AHR: variants seen among roughly 807,000 people sequenced by gnomAD.
The protein encoded by AHR is AH-receptor.
Under a neutral mutation model 86.8 loss-of-function variants are expected in AHR, and 40 were observed. The ratio of observed to expected loss-of-function variants is 0.46; its 90% CI spans 0.36 to 0.60. The LOEUF (loss-of-function observed/expected upper bound fraction) is 0.60, where lower values mean the gene tolerates loss of function less well. Among genes scored for constraint, AHR ranks in the 20% least tolerant of loss-of-function variants. The probability of loss-of-function intolerance (pLI) is 0.00; values close to 1 mark genes in which losing one functional copy is unlikely to be tolerated. For synonymous variants in AHR, 398 were observed against 354.9 expected (o/e 1.12, Z -1.37); for missense variants, 1,001 against 1,011.6 (o/e 0.99, Z 0.14).
chr7:17,304,232 G>A (rs980353534), intron 1 of AHR, among the ~76,000 whole-genome samples: 4 of 152,026 alleles, frequency 2.6e-5, no homozygotes, highest in African/African-American at 9.7e-5. Flanking sequence ...GGTAGTTAGG[G>A]ATTTTAGTGC....
Position 17,346,143 on chromosome 7 carries a change from A to T in AHR, c.*3079A>T, listed in dbSNP as rs1175561483. On this transcript the variant is annotated 3_prime_UTR_variant, in exon 11 of 11. Transcript: ENST00000242057. ...AATAATATATAATAAAATAACAAATATGAATAATATGTTTTAATGTAAATT... is the reference window on the plus strand; with the variant it reads ...AATAATATATAATAAAATAACAAATTTGAATAATATGTTTTAATGTAAATT... 6.6e-6 allele frequency: 1 copy of T among 152,292 alleles called. No homozygotes were observed. Among genetic ancestry groups the T allele is most frequent in the Non-Finnish European group, 1.5e-5 (1 of 67,994 alleles). The allele number at this position is 152,292 out of a possible 1,614,324, so 9.4% of individuals were successfully genotyped here. A position where few individuals can be genotyped will look rare whatever the true frequency, so the allele number is the denominator to read the frequency against.
chr7:17,345,069 C>G lies in AHR; in HGVS notation c.*2005C>G, dbSNP rs1288006215. The G allele has an allele frequency of 6.6e-6, 1 of 151,988 alleles. No homozygotes were observed. The highest frequency in any genetic ancestry group is 1.5e-5 in the Non-Finnish European group (1 of 67,966). The allele number at this position is 151,988 out of a possible 1,614,324, so 9.4% of individuals were successfully genotyped here. On this transcript the variant is annotated 3_prime_UTR_variant, in exon 11 of 11. Transcript: ENST00000242057. ...CAGTGGCTCACGCCTGTAATCCCAG[C>G]ACTTGGGGAGGGCGAGGAGGGTGGA... is the stretch of plus-strand genomic sequence containing the variant.
intron 4 of AHR, among the ~76,000 whole-genome samples, chr7:17,328,600 A>G (rs919488410): frequency 6.6e-6 from 1 of 151,926 alleles, no homozygotes; most frequent in African/African-American, 2.4e-5. Flanking sequence ...TGTGAGCCCC[A>G]TTGTCAGATA....
chr7:17,306,193 G>T (rs1051123055), intron 1 of AHR, among the ~76,000 whole-genome samples: 1 of 152,114 alleles, frequency 6.6e-6, no homozygotes, highest in African/African-American at 2.4e-5. Context: ...CTTTCTTAAA[G>T]ATTCGAAGAC....
Position 17,339,532 on chromosome 7 carries a change from G to A in AHR, c.1707G>A (p.Glu569=). 1.9e-6 allele frequency: 3 copies of A among 1,614,150 alleles called. No homozygotes were observed. The highest frequency in any genetic ancestry group is 2.2e-5 in the East Asian group (1 of 44,886). ...TTTTCAGAAATGATTTTTCTGGTGA[G>A]GTTGACTTCAGAGACATTGACTTAA... The part of the protein sequence containing the change: ...EKFFRNDFSG[E]VDFRDIDLTD... The change falls in exon 10 of 11, where the codon GAG becomes GAA. Residue 569 remains glutamate (E), a synonymous_variant. Transcript: ENST00000242057.
At chr7:17,314,037 A>G (rs1178329188) in intron 2 of AHR, among the ~76,000 whole-genome samples, 2 of 152,048 alleles carry the variant, frequency 1.3e-5, no homozygotes, top group African/African-American at 4.8e-5. Context: ...ATTTTTTGAA[A>G]TGCCCATTAT....
chr7:17,335,829 A>T (rs1223416820), intron 9 of AHR, 43 bp downstream of exon 9: 3 of 1,580,450 alleles, frequency 1.9e-6, no homozygotes, highest in Non-Finnish European at 2.6e-6. Flanking sequence ...TTTTGTTTTC[A>T]TAAGTCCTCT....
chr7:17,317,645 G>A (rs1303989690), intron 2 of AHR, among the ~76,000 whole-genome samples: 1 of 151,996 alleles, frequency 6.6e-6, no homozygotes, highest in Admixed American at 6.6e-5. Context: ...CAGCATCACT[G>A]GGGAACTTGT....
Position 17,327,804 on chromosome 7 carries a change from T to G in AHR, c.406T>G (p.Phe136Val). 1 of 1,578,506 alleles carries G rather than the reference T, an allele frequency of 6.3e-7. No individual in the cohort carries two copies. The highest frequency in any genetic ancestry group is 8.6e-7 in the Non-Finnish European group (1 of 1,157,420). The change falls in exon 4 of 11, where the codon TTT (phenylalanine) becomes GTT (valine). Residue 136 changes from phenylalanine (F) to valine (V), a missense_variant. By Grantham distance (50) the Phe-to-Val change is conservative. This residue lies in a region of AHR where 394 missense variants were observed against 468.5 expected (regional missense o/e 0.84). Transcript: ENST00000242057. ...VLVVTTDALV[F>V]YASSTIQDYL... ...AGTTGTCACTACAGATGCTTTGGTC[T>G]TTTATGCTTCTTCTACTATACAAGA...
intron 8 of AHR, among the ~76,000 whole-genome samples, chr7:17,335,437 A>G (rs1009726184): frequency 3.3e-5 from 5 of 152,088 alleles, no homozygotes; most frequent in Non-Finnish European, 5.9e-5. Context: ...TTTGGTACAT[A>G]ATCTTCCCTT....
At position 17,339,056 on chromosome 7, in the gene AHR, G is replaced by T; in HGVS notation, c.1231G>T (p.Ala411Ser). 1 of 1,614,108 alleles carries T rather than the reference G, an allele frequency of 6.2e-7. No homozygotes were observed. Among genetic ancestry groups the T allele is most frequent in the Non-Finnish European group, 8.5e-7 (1 of 1,180,024 alleles). ...KLPFMFTTGE[A>S]VLYEATNPFP... is the part of the protein sequence containing the mutation. ...GCCTTTTATGTTTACCACTGGAGAA[G>T]CTGTGTTGTATGAGGCAACCAACCC... The change falls in exon 10 of 11, where the codon GCT becomes TCT. Residue 411 changes from alanine to serine, a missense_variant. Ala to Ser is a moderately conservative substitution (Grantham distance 99, BLOSUM62 1). This residue lies in a region of AHR where 607 missense variants were observed against 543.1 expected (regional missense o/e 1.12). Coordinates refer to ENST00000242057, the MANE Select transcript of AHR (RefSeq NM_001621.5).
At position 17,339,568 on chromosome 7, in the gene AHR, C is replaced by A. The variant is rs948870602; in HGVS notation, c.1743C>A (p.Ile581=). 8 of 1,614,030 alleles carry A rather than the reference C, an allele frequency of 5.0e-6. No homozygotes were observed. The highest frequency in any genetic ancestry group is 2.7e-5 in the African/African-American group (2 of 74,926). Residue 581 remains isoleucine (I), a synonymous_variant, in exon 10 of 11, where the codon ATC becomes ATA. Coordinates refer to ENST00000242057, the MANE Select transcript of AHR (RefSeq NM_001621.5). ...GAGACATTGACTTAACGGATGAAATCCTGACGTATGTCCAAGATTCTTTAA... is the reference window on the plus strand; with the variant it reads ...GAGACATTGACTTAACGGATGAAATACTGACGTATGTCCAAGATTCTTTAA... The part of the protein sequence containing the change: ...DFRDIDLTDE[I]LTYVQDSLSK...
chr7:17,337,037 G>T (rs1053717359), intron 9 of AHR, among the ~76,000 whole-genome samples: 2 of 151,488 alleles, frequency 1.3e-5, no homozygotes, highest in Non-Finnish European at 1.5e-5. Flanking sequence ...CTCATCTTTT[G>T]CTATCTTATT....
rs763912356 is a variant in AHR at position 17,340,029 on chromosome 7, T to C, written c.2204T>C (p.Leu735Ser). 5.6e-6 allele frequency: 9 copies of C among 1,614,110 alleles called. No homozygotes were observed. Among genetic ancestry groups the C allele is most frequent in the Non-Finnish European group, 6.8e-6 (8 of 1,180,046 alleles). The change falls in exon 10 of 11, where the codon TTA (leucine) becomes TCA (serine). Residue 735 changes from leucine (L) to serine (S), a missense_variant. Coordinates refer to ENST00000242057, the MANE Select transcript of AHR (RefSeq NM_001621.5). ...TCCCCATACCCCACTACTTCTAGTTTAGAAGATTTTGTCACTTGTTTACAA... is the reference window on the plus strand; with the variant it reads ...TCCCCATACCCCACTACTTCTAGTTCAGAAGATTTTGTCACTTGTTTACAA... ...EPSPYPTTSS[L>S]EDFVTCLQLP...
chr7:17,342,700 G>C (rs1298241680), intron 10 of AHR, among the ~76,000 whole-genome samples: 2 of 152,054 alleles, frequency 1.3e-5, no homozygotes, highest in East Asian at 3.8e-4. Flanking sequence ...AAAATTTCCT[G>C]TCAAATTAAT....
chr7:17,344,513 A>C lies in AHR; in HGVS notation c.*1449A>C, dbSNP rs770878878. 2.0e-5 allele frequency: 3 copies of C among 152,566 alleles called. No homozygotes were observed. Among genetic ancestry groups the C allele is most frequent in the Admixed American group, 2.0e-4 (3 of 15,268 alleles). 9.5% of individuals were successfully genotyped at this position (152,566 alleles called of 1,614,324 possible). On this transcript the variant is annotated 3_prime_UTR_variant, in exon 11 of 11. Coordinates refer to ENST00000242057, the MANE Select transcript of AHR (RefSeq NM_001621.5). ...CAACCACATAGTTCGTTTACCTTCAAACTTTAGGTTTTTTTAATGATATAC... is the reference window on the plus strand; with the variant it reads ...CAACCACATAGTTCGTTTACCTTCACACTTTAGGTTTTTTTAATGATATAC...
At chr7:17,311,818 A>G (rs975649357) in intron 2 of AHR, among the ~76,000 whole-genome samples, 1 of 152,214 alleles carries the variant, frequency 6.6e-6, no homozygotes. Context: ...TAGCTGACAT[A>G]GTTGGAACTA....
chr7:17,308,528 A>C (rs1366680814), intron 1 of AHR, among the ~76,000 whole-genome samples: 4 of 152,322 alleles, frequency 2.6e-5, no homozygotes, highest in African/African-American at 9.6e-5. Flanking sequence ...TTATAGGTAA[A>C]GTTTGAAATT....
At chr7:17,320,472 C>A (rs1424598336) in intron 2 of AHR, among the ~76,000 whole-genome samples, 3 of 151,962 alleles carry the variant, frequency 2.0e-5, no homozygotes, top group Non-Finnish European at 2.9e-5. Flanking sequence ...TTAAGAGATT[C>A]CAAACAATAA....
Sources: gnomAD v4.1 joint callset for allele counts (sites outside exome capture counted in the v4.1 genomes callset) on GRCh38, gnomAD v4.1.1 for gene constraint, gnomAD v4.1.1 regional missense constraint, MANE v1.5 for transcripts, NCBI Gene and HGNC (gene_info 2026-07-23, HGNC 2026-07-21) for gene names.